KAZALD1: variants seen among roughly 807,000 people sequenced by gnomAD.
The protein encoded by KAZALD1 is Kazal type serine peptidase inhibitor domain 1.
Under a neutral mutation model 27.7 loss-of-function variants are expected in KAZALD1, and 31 were observed. The ratio of observed to expected loss-of-function variants is 1.12; its 90% CI spans 0.84 to 1.51. The LOEUF (loss-of-function observed/expected upper bound fraction) is 1.51. Among genes scored for constraint, KAZALD1 ranks in the 40% most tolerant of loss-of-function variants. KAZALD1 has a pLI of 0.00. For missense variants in KAZALD1, 444 were observed against 408.9 expected (o/e 1.09, Z -0.74); for synonymous variants, 179 against 182.0 (o/e 0.98, Z 0.13).
In KAZALD1 at chr10:101,062,523, T is replaced by C; in HGVS notation, c.-51-19T>C. ...AGGCCCTGTTTCTGACCTCCTGACCTGGCTTCCCTTCCTGGCAGGGTGCCC... is the reference window on the plus strand; with the variant it reads ...AGGCCCTGTTTCTGACCTCCTGACCCGGCTTCCCTTCCTGGCAGGGTGCCC... On this transcript the variant is annotated intron_variant, in intron 1 of 4. Coordinates refer to ENST00000370200, the MANE Select transcript of KAZALD1 (RefSeq NM_030929.5). 1 of 1,532,104 alleles carries C rather than the reference T, an allele frequency of 6.5e-7. No individual in the cohort carries two copies. Among genetic ancestry groups the C allele is most frequent in the South Asian group, 1.2e-5 (1 of 81,538 alleles). The allele number at this position is 1,532,104 out of a possible 1,614,324, so 94.9% of individuals were successfully genotyped here.
intron 2 of KAZALD1, among the ~76,000 whole-genome samples, chr10:101,063,961 T>C (rs1939242122): frequency 6.6e-6 from 1 of 152,004 alleles, no homozygotes; most frequent in East Asian, 1.9e-4. Context: ...AGGGACAGAG[T>C]GGCTGCCAAG....
At position 101,065,677 on chromosome 10, in the gene KAZALD1, G is replaced by T. The variant is rs1939301857; in HGVS notation, c.*757G>T. 1 of 152,328 alleles carries T rather than the reference G, an allele frequency of 6.6e-6. No individual in the cohort carries two copies. Among genetic ancestry groups the T allele is most frequent in the South Asian group, 2.1e-4 (1 of 4,836 alleles). 9.4% of individuals were successfully genotyped at this position (152,328 alleles called of 1,614,324 possible). ...AGAACTCTGGCTTCCAGAAGCTGCA[G>T]GGCCTGCTCTCTAAGCACATGCCTG... is the stretch of plus-strand genomic sequence containing the variant. On this transcript the variant is annotated 3_prime_UTR_variant, in exon 5 of 5. Coordinates refer to ENST00000370200, the MANE Select transcript of KAZALD1 (RefSeq NM_030929.5).
chr10:101,065,917 A>C lies in KAZALD1; in HGVS notation c.*997A>C, dbSNP rs1939307975. Reference sequence around the variant, plus strand: ...GGGTTGGCCCCCAAAATGAAAGCATAAACTGGATAGAGGAGGGTGGAAGTT... The same window carrying C: ...GGGTTGGCCCCCAAAATGAAAGCATCAACTGGATAGAGGAGGGTGGAAGTT... On this transcript the variant is annotated 3_prime_UTR_variant, in exon 5 of 5. Coordinates refer to ENST00000370200, the MANE Select transcript of KAZALD1 (RefSeq NM_030929.5). 6.6e-6 allele frequency among the ~76,000 whole-genome samples: 1 copy of C among 152,226 alleles called. No individual in the cohort carries two copies. The highest frequency in any genetic ancestry group is 1.5e-5 in the Non-Finnish European group (1 of 68,044).
chr10:101,066,228 C>A lies in KAZALD1; in HGVS notation c.*1308C>A. 2.8e-6 allele frequency: 1 copy of A among 355,854 alleles called. No homozygotes were observed. Among genetic ancestry groups the A allele is most frequent in the Non-Finnish European group, 5.7e-6 (1 of 175,840 alleles). 22.0% of individuals were successfully genotyped at this position (355,854 alleles called of 1,614,324 possible). ...CAGCCTCCTACACGCCAGGGCTCCA[C>A]CCGGATCCTGGCGCCACTGCGGGAG... On this transcript the variant is annotated 3_prime_UTR_variant, in exon 5 of 5. Transcript: ENST00000370200.
downstream of KAZALD1, chr10:101,067,204 C>G (rs891367516): frequency 2.2e-6 from 1 of 451,210 alleles, no homozygotes; most frequent in Non-Finnish European, 4.5e-6. Context: ...CCCGGTTTCG[C>G]CTGCCCACGG....
chr10:101,062,871 C>G lies in KAZALD1; in HGVS notation c.279C>G (p.Asp93Glu), dbSNP rs1447576800. The change falls in exon 2 of 5, where the codon GAC (aspartate) becomes GAG (glutamate). Residue 93 changes from aspartate to glutamate, a missense_variant. Asp to Glu is a conservative substitution (Grantham distance 45). Transcript: ENST00000370200. ...TCGAGGGCCAGCTCTGCGACCTGGA[C>G]CCCAGTGCTCACTTCTACGGGCACT... ...ANLEGQLCDL[D>E]PSAHFYGHCG... The G allele has an allele frequency of 1.2e-6, 2 of 1,602,424 alleles. No individual in the cohort carries two copies. Among genetic ancestry groups the G allele is most frequent in the Admixed American group, 3.3e-5 (2 of 59,960 alleles).
At position 101,064,427 on chromosome 10, in the gene KAZALD1, C is replaced by G. The variant is rs1336160596; in HGVS notation, c.672+6C>G. ...ACCCCCACATCTCTGTGCAGGTAGA[C>G]TGGTGGGAGAGGCTTCCCTCAGGCA... is the stretch of plus-strand genomic sequence containing the variant. On this transcript the variant is annotated splice_donor_region_variant and intron_variant, in intron 3 of 4. Transcript: ENST00000370200. 6.2e-7 allele frequency: 1 copy of G among 1,614,186 alleles called. No individual in the cohort carries two copies. Among genetic ancestry groups the G allele is most frequent in the South Asian group, 1.1e-5 (1 of 91,088 alleles).
At chr10:101,067,950 TG>T (rs1939368550), downstream of KAZALD1, 1 of 471,600 alleles carries the variant, frequency 2.1e-6, no homozygotes, top group African/African-American at 2.0e-5. Flanking sequence ...GGGGAACACC[TG>T]GCTCTGCAAG....
chr10:101,063,224 G>A (rs1454829116), intron 2 of KAZALD1, 121 bp downstream of exon 2: 66 of 857,908 alleles, frequency 7.7e-5, no homozygotes, highest in South Asian at 1.3e-4. Context: ...TAGAGGCCTC[G>A]AGTCCAGTAT....
Position 101,065,176 on chromosome 10 carries a change from A to C in KAZALD1, c.*256A>C. 3 of 466,916 alleles carry C rather than the reference A, an allele frequency of 6.4e-6. No homozygotes were observed. The highest frequency in any genetic ancestry group is 1.2e-5 in the Non-Finnish European group (3 of 257,402). 28.9% of individuals were successfully genotyped at this position (466,916 alleles called of 1,614,324 possible). A position where few individuals can be genotyped will look rare whatever the true frequency, so the allele number is the denominator to read the frequency against. On this transcript the variant is annotated 3_prime_UTR_variant, in exon 5 of 5. Transcript: ENST00000370200. ...GGCCCATGCAGGAGATGCCCTGGCC[A>C]GTAGGACCTCCAACAGGTTGTTTCC...
intron 2 of KAZALD1, among the ~76,000 whole-genome samples, chr10:101,063,949 T>G (rs574683619): frequency 1.5e-4 from 23 of 152,240 alleles, no homozygotes; most frequent in African/African-American, 5.3e-4. Context: ...AGGGGAGCAG[T>G]TAGGGACAGA....
Position 101,062,732 on chromosome 10 carries a change from T to C in KAZALD1, c.140T>C (p.Leu47Pro), listed in dbSNP as rs1939193481. ...CTGCGGCGCGGCTGGATGCGGCTGC[T>C]AGCGGAGGGCGAGGGCTGCGCTCCC... ...DYLRRGWMRL[L>P]AEGEGCAPCR... Residue 47 changes from leucine to proline, a missense_variant, in exon 2 of 5, where the codon CTA becomes CCA. Transcript: ENST00000370200. The C allele has an allele frequency of 6.5e-7, 1 of 1,539,772 alleles. No homozygotes were observed. Among genetic ancestry groups the C allele is most frequent in the Non-Finnish European group, 8.7e-7 (1 of 1,151,744 alleles).
At chr10:101,062,139 A>C in intron 1 of KAZALD1, 24 bp downstream of exon 1, 1 of 190,078 alleles carries the variant, frequency 5.3e-6, no homozygotes. Context: ...GCCCCAGGCC[A>C]TAAGCGAGGC....
chr10:101,062,691 C>G lies in KAZALD1; in HGVS notation c.99C>G (p.Ser33=). ...CGCCCCCGACCGGCGCAAGGCCATC[C>G]CCAGGCCCAGATTACCTGCGGCGCG... ...LTPPPTGARP[S]PGPDYLRRGW... is the part of the protein sequence containing the mutation. Residue 33 remains serine (S), a synonymous_variant, in exon 2 of 5, where the codon TCC becomes TCG. Transcript: ENST00000370200. 1 of 1,538,348 alleles carries G rather than the reference C, an allele frequency of 6.5e-7. No individual in the cohort carries two copies. Among genetic ancestry groups the G allele is most frequent in the Non-Finnish European group, 8.7e-7 (1 of 1,150,434 alleles).
downstream of KAZALD1, chr10:101,067,749 G>A (rs993135085): frequency 4.7e-5 from 17 of 362,104 alleles, no homozygotes; most frequent in African/African-American, 2.4e-4. Context: ...GACCGGGGGG[G>A]TCGATGTGCG....
chr10:101,063,241 C>G, intron 2 of KAZALD1, 138 bp downstream of exon 2: 1 of 709,172 alleles, frequency 1.4e-6, no homozygotes, highest in Non-Finnish European at 2.2e-6. Flanking sequence ...GTATAAAACC[C>G]TGCTCTCGCT....
Position 101,062,629 on chromosome 10 carries a change from C to CT in KAZALD1, c.38dup (p.Pro14AlafsTer94), listed in dbSNP as rs1334894511. 7 of 1,576,818 alleles carry CT rather than the reference C, an allele frequency of 4.4e-6. No homozygotes were observed. Among genetic ancestry groups the CT allele is most frequent in the Non-Finnish European group, 6.0e-6 (7 of 1,170,442 alleles). On this transcript the variant is annotated frameshift_variant, in exon 2 of 5. Coordinates refer to ENST00000370200, the MANE Select transcript of KAZALD1 (RefSeq NM_030929.5). LOFTEE classifies it high-confidence loss of function. ...GCCGCGGCCCGCAGCTGCCTTGGCGCTGCCTGTGCTCCTGCTACTGCTGGT... is the reference window on the plus strand; with the variant it reads ...GCCGCGGCCCGCAGCTGCCTTGGCGCTTGCCTGTGCTCCTGCTACTGCTGGT...
At chr10:101,067,742 C>T (rs1939361991), downstream of KAZALD1, 2 of 360,100 alleles carry the variant, frequency 5.6e-6, no homozygotes, top group Admixed American at 3.9e-5. Flanking sequence ...CCCTGGTGAC[C>T]GGGGGGGTCG....
chr10:101,063,828 C>T (rs949664733), intron 2 of KAZALD1, among the ~76,000 whole-genome samples: 6 of 152,200 alleles, frequency 3.9e-5, no homozygotes, highest in African/African-American at 1.2e-4. Context: ...GAGGAGGGAA[C>T]GGCTGCTTTT....
Sources: allele counts gnomAD v4.1 joint callset (sites outside exome capture counted in the v4.1 genomes callset), GRCh38; gene constraint gnomAD v4.1.1; transcripts MANE v1.5; gene names NCBI Gene and HGNC (gene_info 2026-07-23, HGNC 2026-07-21).